Variants in CPEB2 observed in about 807,000 individuals in gnomAD.
CPEB2 encodes cytoplasmic polyadenylation element binding protein 2.
In CPEB2, 56 loss-of-function variants were observed where a neutral mutation model predicts 93.6. The ratio of observed to expected loss-of-function variants is 0.60; its 90% CI spans 0.48 to 0.75. The LOEUF is 0.75. Among genes scored for constraint, CPEB2 ranks in the 30% least tolerant of loss-of-function variants. The pLI is 0.00. For missense variants in CPEB2, 1,579 were observed against 1,395.1 expected, an observed-to-expected ratio of 1.13 and a Z score of -2.10; for synonymous variants, 764 against 586.3, an observed-to-expected ratio of 1.30 and a Z score of -4.38.
At chr4:15,019,009 T>A (rs1724519412) in intron 4 of CPEB2, among the ~76,000 whole-genome samples, 1 of 149,138 alleles carries the variant, frequency 6.7e-6, no homozygotes, top group South Asian at 2.1e-4. Flanking sequence ...TATATATGTT[T>A]TTTAATCTCA....
intron 5 of CPEB2, among the ~76,000 whole-genome samples, chr4:15,038,584 T>A (rs1726864147): frequency 6.7e-6 from 1 of 148,350 alleles, no homozygotes. Context: ...TGTAGTCTAT[T>A]CTTTTTTTTT....
intron 10 of CPEB2, 102 bp downstream of exon 10, chr4:15,059,403 C>G: frequency 1.4e-6 from 1 of 704,028 alleles, no homozygotes; most frequent in Non-Finnish European, 2.4e-6. Flanking sequence ...CACTATTGGA[C>G]AGAGCAGGAG....
intron 4 of CPEB2, among the ~76,000 whole-genome samples, chr4:15,026,960 A>C (rs185670690): frequency 1.3e-5 from 2 of 152,234 alleles, no homozygotes; most frequent in Admixed American, 1.3e-4. Flanking sequence ...CCCATTTGCT[A>C]TTCCTACTGG....
intron 11 of CPEB2, among the ~76,000 whole-genome samples, chr4:15,064,063 T>C (rs913805796): frequency 1.3e-5 from 2 of 152,100 alleles, no homozygotes; most frequent in Admixed American, 1.3e-4. Flanking sequence ...AACCCAGAGA[T>C]ACACGGGATA....
intron 11 of CPEB2, among the ~76,000 whole-genome samples, chr4:15,064,049 T>C (rs918120654): frequency 4.6e-5 from 7 of 152,122 alleles, no homozygotes; most frequent in African/African-American, 1.7e-4. Flanking sequence ...CGTGTATAAC[T>C]GCCAACCCAG....
intron 4 of CPEB2, among the ~76,000 whole-genome samples, chr4:15,032,264 C>T (rs778619600): frequency 3.1e-4 from 47 of 152,140 alleles, no homozygotes; most frequent in Admixed American, 4.6e-4. Context: ...TGCCCAGCCT[C>T]TAAATGGGTT....
At chr4:15,054,831 A>T (rs1036879669) in intron 8 of CPEB2, among the ~76,000 whole-genome samples, 1 of 152,222 alleles carries the variant, frequency 6.6e-6, no homozygotes, top group African/African-American at 2.4e-5. Flanking sequence ...AGTCTTGAAC[A>T]TTAATTCAGC....
chr4:15,004,421 C>A (rs1406385773), intron 1 of CPEB2, 86 bp downstream of exon 1: 18 of 1,027,918 alleles, frequency 1.8e-5, no homozygotes, highest in Non-Finnish European at 2.4e-5. Context: ...GCCGGGGACC[C>A]GACCTTAGCC....
intron 6 of CPEB2, among the ~76,000 whole-genome samples, chr4:15,044,532 A>T (rs1312213923): frequency 6.6e-6 from 1 of 152,176 alleles, no homozygotes; most frequent in Non-Finnish European, 1.5e-5. Flanking sequence ...CATAGATTAT[A>T]AATTTTTTAA....
Position 15,068,292 on chromosome 4 carries a change from G to A in CPEB2, c.*1912G>A, listed in dbSNP as rs1056111914. On this transcript the variant is annotated 3_prime_UTR_variant, in exon 12 of 12. Transcript: ENST00000538197. ...CTGTTTTATTGTGGTTGTGGTTCAA[G>A]TTTTTAATGTTTAAAGTTGATGCTG... The A allele has an allele frequency of 1.3e-5, 2 of 152,300 alleles. No individual in the cohort carries two copies. The highest frequency in any genetic ancestry group is 4.1e-4 in the South Asian group (2 of 4,832). 9.4% of individuals were successfully genotyped at this position (152,300 alleles called of 1,614,324 possible). A position where few individuals can be genotyped will look rare whatever the true frequency, so the allele number is the denominator to read the frequency against.
chr4:15,051,697 T>C (rs191832108), intron 6 of CPEB2, among the ~76,000 whole-genome samples: 3 of 152,362 alleles, frequency 2.0e-5, no homozygotes, highest in East Asian at 3.9e-4. Context: ...ATAGATCTTA[T>C]CTTTCTAAAT....
intron 8 of CPEB2, among the ~76,000 whole-genome samples, chr4:15,057,798 C>T (rs1221166673): frequency 6.6e-6 from 1 of 152,150 alleles, no homozygotes; most frequent in Non-Finnish European, 1.5e-5. Flanking sequence ...TATTAAGGAA[C>T]ATGTTTCATT....
At chr4:15,045,214 A>C (rs1294402363) in intron 6 of CPEB2, among the ~76,000 whole-genome samples, 1 of 152,118 alleles carries the variant, frequency 6.6e-6, no homozygotes, top group African/African-American at 2.4e-5. Flanking sequence ...AAGAACCTTT[A>C]ATTAGAATCT....
In CPEB2 at chr4:15,002,706, C is replaced by T. The variant is rs1041128355; in HGVS notation, c.33C>T (p.Thr11=). ...ATTTCGGGTTTGGGGTGCTGCAGAC[C>T]GCCCCGCTCCGAAGTAGCAGTCCTG... MRDFGFGVLQ[T]APLRSSSPGP... Residue 11 remains threonine, a synonymous_variant, in exon 1 of 12, where the codon ACC becomes ACT. Transcript: ENST00000538197. 3 of 1,522,302 alleles carry T rather than the reference C, an allele frequency of 2.0e-6. No individual in the cohort carries two copies. Among genetic ancestry groups the T allele is most frequent in the African/African-American group, 2.8e-5 (2 of 71,906 alleles). The allele number at this position is 1,522,302 out of a possible 1,614,324, so 94.3% of individuals were successfully genotyped here.
intron 8 of CPEB2, 79 bp downstream of exon 8, chr4:15,054,296 G>C: frequency 1.1e-6 from 1 of 950,652 alleles, no homozygotes; most frequent in Non-Finnish European, 1.7e-6. Context: ...TACTTAGCCA[G>C]TTAGGAATCA....
rs968000322 is a variant in CPEB2 at position 15,040,632 on chromosome 4, A to G, written c.2200+145A>G. 1.5e-4 allele frequency: 98 copies of G among 665,574 alleles called. 1 individual carries two copies. The highest frequency in any genetic ancestry group is 2.2e-5 in the Non-Finnish European group (9 of 409,728). The allele number at this position is 665,574 out of a possible 1,614,324, so 41.2% of individuals were successfully genotyped here. ...ATTTGAGCACTTGTCGAAGTTTTTA[A>G]TTTTAAATCTCCTAACCTTTGAACT... is the stretch of plus-strand genomic sequence containing the variant. On this transcript the variant is annotated intron_variant, in intron 6 of 11. Coordinates refer to ENST00000538197, the MANE Select transcript of CPEB2 (RefSeq NM_001177382.2).
chr4:15,047,844 C>CT (rs898505254), intron 6 of CPEB2, among the ~76,000 whole-genome samples: 24 of 146,182 alleles, frequency 1.6e-4, no homozygotes, highest in African/African-American at 2.0e-4. Context: ...GACTTTCACT[C>CT]TTTTTTTTTT....
intron 4 of CPEB2, among the ~76,000 whole-genome samples, chr4:15,018,775 T>C (rs1247456269): frequency 6.6e-6 from 1 of 150,576 alleles, no homozygotes; most frequent in African/African-American, 2.4e-5. Context: ...TTTTTTTTTT[T>C]TCAAAAGGCT....
Position 15,067,666 on chromosome 4 carries a change from G to A in CPEB2, c.*1286G>A, listed in dbSNP as rs1335940267. On this transcript the variant is annotated 3_prime_UTR_variant, in exon 12 of 12. Coordinates refer to ENST00000538197, the MANE Select transcript of CPEB2 (RefSeq NM_001177382.2). ...AAAACTTTAGTAAACCCTAAGTAAA[G>A]TCAAAATGGAGAAGGGGAAATATAC... 1.3e-5 allele frequency: 2 copies of A among 152,316 alleles called. No individual in the cohort carries two copies. Among genetic ancestry groups the A allele is most frequent in the Admixed American group, 6.6e-5 (1 of 15,214 alleles). 9.4% of individuals were successfully genotyped at this position (152,316 alleles called of 1,614,324 possible). A position where few individuals can be genotyped will look rare whatever the true frequency, so the allele number is the denominator to read the frequency against.
Sources: gnomAD v4.1 joint callset for allele counts (sites outside exome capture counted in the v4.1 genomes callset) on GRCh38, gnomAD v4.1.1 for gene constraint, MANE v1.5 for transcripts, NCBI Gene and HGNC (gene_info 2026-07-23, HGNC 2026-07-21) for gene names.